Variants in PTPRD observed in about 807,000 individuals in gnomAD.
PTPRD encodes the protein protein tyrosine phosphatase receptor type D, also known as receptor-type tyrosine-protein phosphatase delta.
A neutral mutation model predicts 214.5 loss-of-function variants in PTPRD; 34 were observed. The ratio of observed to expected loss-of-function variants is 0.16; its 90% CI spans 0.12 to 0.21. PTPRD has a LOEUF of 0.21. Among genes scored for constraint, PTPRD ranks in the 10% least tolerant of loss-of-function variants. PTPRD has a pLI of 1.00. For missense variants in PTPRD, 2,545 were observed against 2,398.7 expected (o/e 1.06, Z -1.27); for synonymous variants, 1,128 against 845.7 (o/e 1.33, Z -5.79).
At chr9:9,269,438 A>T (rs1416512852) in intron 9 of PTPRD, among the ~76,000 whole-genome samples, 1 of 141,570 alleles carries the variant, frequency 7.1e-6, no homozygotes, top group Non-Finnish European at 1.6e-5. Context: ...TATGAAAACA[A>T]TATGGAGGTT....
chr9:10,564,171 C>CTTTTTTTTTTTTTTTTTTTTTTT lies in PTPRD; in HGVS notation c.-600+48204_-600+48226dup, dbSNP rs71332760. 8.5e-4 allele frequency among the ~76,000 whole-genome samples: 25 copies of CTTTTTTTTTTTTTTTTTTTTTTT among 29,406 alleles called. 7 individuals are homozygous for CTTTTTTTTTTTTTTTTTTTTTTT. Among genetic ancestry groups the CTTTTTTTTTTTTTTTTTTTTTTT allele is most frequent in the African/African-American group, 2.9e-3 (18 of 6,258 alleles). The allele number at this position is 29,406 out of a possible 152,430, so 19.3% of individuals were successfully genotyped here. On this transcript the variant is annotated intron_variant, in intron 2 of 45. Coordinates refer to ENST00000381196, the MANE Select transcript of PTPRD (RefSeq NM_002839.4). ...GTGTGCACCACCACACTAGGCTATTCTTTTTTTTTTTTTTTTTTTTTTTTG... is the reference window on the plus strand; with the variant it reads ...GTGTGCACCACCACACTAGGCTATTCTTTTTTTTTTTTTTTTTTTTTTTTTTTTTTTTTTTTTTTTTTTTTTTG...
chr9:8,818,081 A>G (rs951232641), intron 11 of PTPRD, among the ~76,000 whole-genome samples: 5 of 152,326 alleles, frequency 3.3e-5, no homozygotes, highest in Admixed American at 2.0e-4. Context: ...TTGAATTTCA[A>G]TTGAACTACA....
chr9:8,826,655 G>C (rs978498992), intron 11 of PTPRD, among the ~76,000 whole-genome samples: 1 of 136,018 alleles, frequency 7.4e-6, no homozygotes, highest in Non-Finnish European at 1.5e-5. Flanking sequence ...TCTATATAGT[G>C]CTTATCCAAT....
chr9:10,211,893 T>C (rs749433605), intron 3 of PTPRD, among the ~76,000 whole-genome samples: 2 of 152,136 alleles, frequency 1.3e-5, no homozygotes, highest in Non-Finnish European at 2.9e-5. Context: ...GCCCAGACTT[T>C]ACCACTATGC....
intron 11 of PTPRD, among the ~76,000 whole-genome samples, chr9:8,920,032 G>C (rs1348638901): frequency 2.0e-5 from 3 of 152,082 alleles, no homozygotes; most frequent in Non-Finnish European, 4.4e-5. Flanking sequence ...ACATATATAT[G>C]TGTATACATA....
chr9:9,416,395 C>A (rs1045959535), intron 8 of PTPRD, among the ~76,000 whole-genome samples: 1 of 152,100 alleles, frequency 6.6e-6, no homozygotes, highest in Non-Finnish European at 1.5e-5. Context: ...CTTTAATGAG[C>A]CTCATGTCCT....
At chr9:9,353,092 T>C (rs929010735) in intron 9 of PTPRD, among the ~76,000 whole-genome samples, 4 of 151,960 alleles carry the variant, frequency 2.6e-5, no homozygotes, top group Non-Finnish European at 4.4e-5. Context: ...AAAACAATGC[T>C]ATTCAATGTT....
At chr9:8,657,120 T>G (rs561797877) in intron 12 of PTPRD, among the ~76,000 whole-genome samples, 3 of 152,186 alleles carry the variant, frequency 2.0e-5, no homozygotes, top group African/African-American at 7.2e-5. Context: ...GTTGGTCACA[T>G]GTATGTCTTC....
intron 2 of PTPRD, among the ~76,000 whole-genome samples, chr9:10,604,494 C>T (rs2078811987): frequency 6.6e-6 from 1 of 151,724 alleles, no homozygotes; most frequent in South Asian, 2.1e-4. Flanking sequence ...GAATATCCTC[C>T]TGAGGGGCAG....
intron 2 of PTPRD, among the ~76,000 whole-genome samples, chr9:10,344,646 A>C (rs988184510): frequency 6.6e-6 from 1 of 152,112 alleles, no homozygotes; most frequent in Non-Finnish European, 1.5e-5. Flanking sequence ...CACGATATTG[A>C]TTCTTCCTAT....
chr9:8,761,910 C>G (rs990691488), intron 11 of PTPRD, among the ~76,000 whole-genome samples: 28 of 152,238 alleles, frequency 1.8e-4, no homozygotes, highest in Admixed American at 1.6e-3. Context: ...TCCCTAGCTT[C>G]TCTGGTGAGC....
At chr9:10,491,958 G>A (rs1269571777) in intron 2 of PTPRD, among the ~76,000 whole-genome samples, 4 of 152,146 alleles carry the variant, frequency 2.6e-5, no homozygotes, top group South Asian at 2.1e-4. Flanking sequence ...GTGAGAACAT[G>A]CAGTGTTTGG....
chr9:10,310,239 T>A (rs2096231466), intron 3 of PTPRD, among the ~76,000 whole-genome samples: 1 of 152,108 alleles, frequency 6.6e-6, no homozygotes, highest in Admixed American at 6.6e-5. Context: ...AGGAGAAATG[T>A]ATGTAGCATT....
intron 7 of PTPRD, among the ~76,000 whole-genome samples, chr9:9,692,978 C>T (rs1433345418): frequency 6.6e-6 from 1 of 151,868 alleles, no homozygotes; most frequent in African/African-American, 2.4e-5. Flanking sequence ...GATTTTGTAA[C>T]CTGAGAGTTT....
chr9:10,012,342 A>T (rs2096618756), intron 4 of PTPRD, among the ~76,000 whole-genome samples: 1 of 151,938 alleles, frequency 6.6e-6, no homozygotes, highest in African/African-American at 2.4e-5. Context: ...AAATTAGCTA[A>T]AAAAGTGGAA....
At chr9:9,285,756 C>G (rs1314165413) in intron 9 of PTPRD, among the ~76,000 whole-genome samples, 1 of 151,786 alleles carries the variant, frequency 6.6e-6, no homozygotes, top group Non-Finnish European at 1.5e-5. Flanking sequence ...ATGGCACTAA[C>G]TTTGATCCTC....
intron 10 of PTPRD, among the ~76,000 whole-genome samples, chr9:9,084,188 G>A (rs1047484823): frequency 2.0e-5 from 3 of 152,178 alleles, no homozygotes; most frequent in African/African-American, 7.2e-5. Context: ...TAAAGAAAAT[G>A]TGGCACATTT....
chr9:10,383,281 C>A (rs1392164183), intron 2 of PTPRD, among the ~76,000 whole-genome samples: 1 of 151,748 alleles, frequency 6.6e-6, no homozygotes, highest in Non-Finnish European at 1.5e-5. Context: ...CATCAAGGAC[C>A]ACTATACTCT....
intron 8 of PTPRD, among the ~76,000 whole-genome samples, chr9:9,437,635 T>C (rs1418168143): frequency 6.6e-6 from 1 of 152,180 alleles, no homozygotes; most frequent in Non-Finnish European, 1.5e-5. Context: ...TTTTAAGATG[T>C]AAATTATTCA....
Sources: gnomAD v4.1 joint callset for allele counts (sites outside exome capture counted in the v4.1 genomes callset) on GRCh38, gnomAD v4.1.1 for gene constraint, MANE v1.5 for transcripts, NCBI Gene and HGNC (gene_info 2026-07-23, HGNC 2026-07-21) for gene names.